Variants in PTN observed in about 807,000 individuals in gnomAD.
PTN encodes pleiotrophin.
In PTN, 18 loss-of-function variants were observed where a neutral mutation model predicts 24.1. The observed-to-expected ratio is 0.75, with a 90% CI of 0.52 to 1.11. PTN has a LOEUF of 1.11. Among genes scored for constraint, PTN ranks in the 50% least tolerant of loss-of-function variants. The probability of loss-of-function intolerance (pLI) is 0.00; values close to 1 mark genes in which losing one functional copy is unlikely to be tolerated. For synonymous variants in PTN, 78 were observed against 68.6 expected (o/e 1.14, Z -0.67); for missense variants, 163 against 198.8 (o/e 0.82, Z 1.08).
intron 1 of PTN, among the ~76,000 whole-genome samples, chr7:137,291,966 C>T (rs10248429): frequency 0.061 from 9,335 of 152,224 alleles, 621 homozygotes; most frequent in African/African-American, 0.17. Context: ...TTGGCATCCT[C>T]CTCTAATAAC....
Position 137,324,303 on chromosome 7 carries a change from A to AAGG in PTN, c.-2+19133_-2+19135dup, listed in dbSNP as rs954728074. On this transcript the variant is annotated intron_variant, in intron 1 of 4. Transcript: ENST00000348225. ...TCAGCTACTCGGAACGTGGAGAAAG[A>AAGG]AGGACCGCCTAAGCCCAGGAGTGAA... Among the ~76,000 whole-genome samples the AAGG allele has an allele frequency of 4.0e-5, 6 of 151,150 alleles. 1 individual carries two copies. Among genetic ancestry groups the AAGG allele is most frequent in the African/African-American group, 1.5e-4 (6 of 40,948 alleles).
chr7:137,342,527 CTGTG>C (rs4032309), intron 1 of PTN, among the ~76,000 whole-genome samples: 49,956 of 150,562 alleles, frequency 0.33, 10,166 homozygotes, highest in Admixed American at 0.5. Context: ...GTGTGTGTTC[CTGTG>C]TGTGTGTGTG....
chr7:137,267,874 A>G (rs1274861698), intron 1 of PTN, among the ~76,000 whole-genome samples: 1 of 152,214 alleles, frequency 6.6e-6, no homozygotes, highest in Non-Finnish European at 1.5e-5. Flanking sequence ...AACAAAAAAC[A>G]AAGTGCCGAT....
intron 1 of PTN, among the ~76,000 whole-genome samples, chr7:137,275,325 A>G (rs1254463830): frequency 6.6e-6 from 1 of 152,232 alleles, no homozygotes; most frequent in Non-Finnish European, 1.5e-5. Flanking sequence ...GTTTAGTAAT[A>G]AAAGAAGAAA....
intron 1 of PTN, among the ~76,000 whole-genome samples, chr7:137,277,381 T>C (rs1340153288): frequency 6.6e-6 from 1 of 152,194 alleles, no homozygotes; most frequent in Non-Finnish European, 1.5e-5. Flanking sequence ...AATATTAAAA[T>C]ACACTTATCA....
intron 4 of PTN, among the ~76,000 whole-genome samples, chr7:137,229,883 T>A (rs781273251): frequency 6.6e-6 from 1 of 151,736 alleles, no homozygotes; most frequent in Non-Finnish European, 1.5e-5. Context: ...ATGTAATAAT[T>A]CCCAATTTTT....
intron 4 of PTN, among the ~76,000 whole-genome samples, chr7:137,229,789 G>T (rs1028177572): frequency 4.0e-5 from 6 of 151,784 alleles, no homozygotes; most frequent in African/African-American, 1.4e-4. Context: ...GAGGTGTAAT[G>T]ACCAGAATTT....
At chr7:137,254,786 A>T in intron 2 of PTN, 73 bp downstream of exon 2, 1 of 993,170 alleles carries the variant, frequency 1.0e-6, no homozygotes, top group Non-Finnish European at 1.4e-6. Context: ...GAAGAGAGGA[A>T]GGAAAAGCAG....
chr7:137,303,876 A>G (rs966781695), intron 1 of PTN, among the ~76,000 whole-genome samples: 2 of 152,056 alleles, frequency 1.3e-5, no homozygotes, highest in African/African-American at 2.4e-5. Context: ...CTGGTCTTGC[A>G]AAGTCTGTAA....
At chr7:137,265,604 A>G (rs568920307) in intron 1 of PTN, among the ~76,000 whole-genome samples, 1 of 152,320 alleles carries the variant, frequency 6.6e-6, no homozygotes, top group Admixed American at 6.5e-5. Flanking sequence ...TTTGGGATAT[A>G]GCAGAGAGAG....
intron 2 of PTN, 59 bp downstream of exon 2, chr7:137,254,797 GTAA>G: frequency 8.9e-7 from 1 of 1,121,448 alleles, no homozygotes; most frequent in Non-Finnish European, 1.2e-6. Flanking sequence ...GGAAAAGCAG[GTAA>G]TTAGACTAGA....
At chr7:137,280,026 C>G (rs1809441042) in intron 1 of PTN, among the ~76,000 whole-genome samples, 1 of 152,182 alleles carries the variant, frequency 6.6e-6, no homozygotes, top group Non-Finnish European at 1.5e-5. Context: ...TCCCAGATTT[C>G]TGATCCTCAA....
intron 1 of PTN, among the ~76,000 whole-genome samples, chr7:137,258,757 T>C: frequency 6.6e-6 from 1 of 152,102 alleles, no homozygotes; most frequent in East Asian, 1.9e-4. Flanking sequence ...CATAGTTGAT[T>C]GTTTATTTGT....
intron 1 of PTN, among the ~76,000 whole-genome samples, chr7:137,280,475 A>C (rs1809449037): frequency 6.6e-6 from 1 of 151,724 alleles, no homozygotes; most frequent in South Asian, 2.1e-4. Flanking sequence ...AGAGGCGAGA[A>C]TTCTAGTTAT....
At chr7:137,239,813 G>C (rs555046678) in intron 4 of PTN, among the ~76,000 whole-genome samples, 120 of 152,238 alleles carry the variant, frequency 7.9e-4, no homozygotes, top group African/African-American at 2.8e-3. Flanking sequence ...TGCCTGTTAG[G>C]AGAGGGAAAC....
chr7:137,244,565 G>A (rs1808691333), intron 4 of PTN, among the ~76,000 whole-genome samples: 1 of 148,558 alleles, frequency 6.7e-6, no homozygotes, highest in Non-Finnish European at 1.5e-5. Context: ...GGTGTGTGAT[G>A]TCCCCCTTCC....
chr7:137,243,217 G>T (rs957020377), intron 4 of PTN, among the ~76,000 whole-genome samples: 1 of 152,204 alleles, frequency 6.6e-6, no homozygotes. Flanking sequence ...TTACAGGTGT[G>T]AGCCACTGTG....
At chr7:137,299,920 C>T (rs756328907) in intron 1 of PTN, among the ~76,000 whole-genome samples, 109 of 152,042 alleles carry the variant, frequency 7.2e-4, no homozygotes, top group Non-Finnish European at 1.4e-3. Flanking sequence ...TCATACATGC[C>T]AAATACTCAA....
chr7:137,291,501 ACATGAAGG>A (rs1046561835), intron 1 of PTN, among the ~76,000 whole-genome samples: 1 of 152,118 alleles, frequency 6.6e-6, no homozygotes, highest in African/African-American at 2.4e-5. Context: ...CTCTTTGTTC[ACATGAAGG>A]CAGCTGGGCA....
Sources: allele counts gnomAD v4.1 joint callset (sites outside exome capture counted in the v4.1 genomes callset), GRCh38; gene constraint gnomAD v4.1.1; transcripts MANE v1.5; gene names NCBI Gene and HGNC (gene_info 2026-07-23, HGNC 2026-07-21).